PPP2R1B: variants seen among roughly 807,000 people sequenced by gnomAD.
PPP2R1B encodes protein phosphatase 2 scaffold subunit Abeta.
In PPP2R1B, 58 loss-of-function variants were observed where a neutral mutation model predicts 72.7. The ratio of observed to expected loss-of-function variants is 0.80; its 90% CI spans 0.65 to 0.99. The LOEUF is 0.99. PPP2R1B is among the 50% of genes least tolerant of loss of function. PPP2R1B has a pLI of 0.00. For synonymous variants in PPP2R1B, 256 were observed against 264.6 expected, an observed-to-expected ratio of 0.97 and a Z score of 0.32; for missense variants, 695 against 733.6, an observed-to-expected ratio of 0.95 and a Z score of 0.61.
At chr11:111,703,187 A>T in the PPP2R1B span, 4 of 1,611,926 alleles carry the variant, frequency 2.5e-6, no homozygotes, top group East Asian at 8.9e-5. Flanking sequence ...CTTTTGTAAC[A>T]TTGTGTTTTC....
chr11:111,737,428 C>T, downstream of PPP2R1B: 10 of 1,614,194 alleles, frequency 6.2e-6, no homozygotes, highest in Non-Finnish European at 8.5e-6. Context: ...GGACTTGACC[C>T]CAGGCTTCCG....
chr11:111,722,694 C>CACCT (rs748603745), downstream of PPP2R1B: 1 of 1,614,070 alleles, frequency 6.2e-7, no homozygotes, highest in East Asian at 2.2e-5. The surrounding 1 kb of genome is among the most constrained non-coding windows in gnomAD (Gnocchi z 4.4). Context: ...AGGCCCAGAA[C>CACCT]ACCTGTCAGC....
rs1200828600 is a variant in PPP2R1B, at chr11:111,740,499, T to C, written c.*1097A>G. On this transcript the variant is annotated 3_prime_UTR_variant, in exon 15 of 15. Coordinates refer to ENST00000527614, the MANE Select transcript of PPP2R1B (RefSeq NM_002716.5). ...TTTTTAAAAAGGGCTTTAATACTGT[T>C]TAAGTAGTTCAAATAGGCTTCCTCA... is the stretch of plus-strand genomic sequence containing the variant. 1.0e-6 allele frequency: 1 copy of C among 985,298 alleles called. No individual in the cohort carries two copies. Among genetic ancestry groups the C allele is most frequent in the Non-Finnish European group, 1.2e-6 (1 of 829,798 alleles). The allele number at this position is 985,298 out of a possible 1,614,324, so 61.0% of individuals were successfully genotyped here. A position where few individuals can be genotyped will look rare whatever the true frequency, so the allele number is the denominator to read the frequency against.
At position 111,742,080 on chromosome 11, in the gene PPP2R1B, T is replaced by G; in HGVS notation, c.1762A>C (p.Lys588Gln). 1 of 1,613,872 alleles carries G rather than the reference T, an allele frequency of 6.2e-7. No individual in the cohort carries two copies. The highest frequency in any genetic ancestry group is 8.5e-7 in the Non-Finnish European group (1 of 1,179,770). Residue 588 changes from lysine (K) to glutamine (Q), a missense_variant, in exon 14 of 15, where the codon AAA becomes CAA. Physicochemically the swap from Lys to Gln is moderately conservative, Grantham distance 53. Transcript: ENST00000527614. ...CTTATAGCTTCCTGTGCAAAGTATTTGACATCCATGTCTTCATCTTGACCT... is the reference window on the plus strand; with the variant it reads ...CTTATAGCTTCCTGTGCAAAGTATTGGACATCCATGTCTTCATCTTGACCT... ...KLGQDEDMDV[K>Q]YFAQEAISVL...
intron 9 of PPP2R1B, 110 bp downstream of exon 9, chr11:111,753,332 GA>G (rs1386567875): frequency 2.9e-6 from 4 of 1,386,812 alleles, no homozygotes; most frequent in Non-Finnish European, 3.9e-6. Context: ...AATAAGTTAT[GA>G]TTTTTTTATC....
the PPP2R1B span, among the ~76,000 whole-genome samples, chr11:111,688,626 G>A: frequency 6.6e-5 from 10 of 152,198 alleles, no homozygotes; most frequent in South Asian, 2.1e-4. The surrounding 1 kb of genome is among the most constrained non-coding windows in gnomAD (Gnocchi z 4.2). Flanking sequence ...GATCTGATAC[G>A]ATAGGGTTTT....
chr11:111,710,981 C>T, the PPP2R1B span, among the ~76,000 whole-genome samples: 96 of 152,292 alleles, frequency 6.3e-4, no homozygotes, highest in Admixed American at 1.0e-3. Flanking sequence ...AGATGTGGTG[C>T]AGTGCCTGTT....
chr11:111,706,457 T>C, the PPP2R1B span, among the ~76,000 whole-genome samples: 2 of 152,158 alleles, frequency 1.3e-5, no homozygotes, highest in Non-Finnish European at 2.9e-5. Flanking sequence ...CCATTGACTT[T>C]CCTGTCTACT....
the PPP2R1B span, chr11:111,712,281 C>T: frequency 6.2e-7 from 1 of 1,614,118 alleles, no homozygotes; most frequent in Non-Finnish European, 8.5e-7. Flanking sequence ...GCCCTCCTCC[C>T]CCAGGCATCC....
chr11:111,701,476 C>T, the PPP2R1B span: 1 of 1,613,756 alleles, frequency 6.2e-7, no homozygotes, highest in African/African-American at 1.3e-5. This position sits in a 1 kb window ranked among gnomAD's most constrained non-coding sequence, Gnocchi z 4.2. Context: ...TCTTTATGTC[C>T]TTGTCTGTGG....
At chr11:111,735,900 G>C (rs1007244270), downstream of PPP2R1B, among the ~76,000 whole-genome samples, 2 of 152,214 alleles carry the variant, frequency 1.3e-5, no homozygotes, top group Admixed American at 1.3e-4. Context: ...CTGACACACA[G>C]GGCTCTGCCT....
At chr11:111,727,138 T>A in intron 15 of PPP2R1B, 3 of 1,248,528 alleles carry the variant, frequency 2.4e-6, no homozygotes, top group Non-Finnish European at 3.5e-6. Context: ...CGTCCCCAGC[T>A]GCCCCCTCGC....
the PPP2R1B span, among the ~76,000 whole-genome samples, chr11:111,708,131 C>T: frequency 3.3e-5 from 5 of 152,280 alleles, no homozygotes; most frequent in South Asian, 6.2e-4. Context: ...CCTGTAATCC[C>T]GGCGCTTTGG....
rs1265019004 is a variant in PPP2R1B, at chr11:111,739,958, G to A, written c.*1638C>T. ...CTCTGATTTACAATTTCTATTTTTC[G>A]AATGTAGGACAAATTTTAAAGTATT... is the stretch of plus-strand genomic sequence containing the variant. On this transcript the variant is annotated 3_prime_UTR_variant, in exon 15 of 15. Coordinates refer to ENST00000527614, the MANE Select transcript of PPP2R1B (RefSeq NM_002716.5). 5 of 979,118 alleles carry A rather than the reference G, an allele frequency of 5.1e-6. No homozygotes were observed. Among genetic ancestry groups the A allele is most frequent in the African/African-American group, 1.8e-5 (1 of 57,084 alleles). The allele number at this position is 979,118 out of a possible 1,614,324, so 60.7% of individuals were successfully genotyped here.
chr11:111,754,285 A>G (rs1417070964), intron 8 of PPP2R1B, among the ~76,000 whole-genome samples: 2 of 152,246 alleles, frequency 1.3e-5, no homozygotes, highest in African/African-American at 2.4e-5. Context: ...ACTACTTGTT[A>G]GGTAACATAA....
In PPP2R1B at chr11:111,743,356, AAC is replaced by A. The variant is rs1944591712; in HGVS notation, c.1554+18_1554+19del. ...TGCTTTAATGATTAAGCTTAGCAAT[AAC>A]AGTTATGTTATACTTACATTAATGC... On this transcript the variant is annotated intron_variant, in intron 12 of 14. Coordinates refer to ENST00000527614, the MANE Select transcript of PPP2R1B (RefSeq NM_002716.5). The A allele has an allele frequency of 6.3e-7, 1 of 1,586,244 alleles. No individual in the cohort carries two copies. Among genetic ancestry groups the A allele is most frequent in the Non-Finnish European group, 8.6e-7 (1 of 1,160,562 alleles).
At chr11:111,728,319 C>G (rs536135092) in intron 15 of PPP2R1B, 3 of 151,286 alleles carry the variant, frequency 2.0e-5, no homozygotes, top group Admixed American at 2.0e-4. Context: ...GACAGAGTCT[C>G]GCTCTGTCAC....
the PPP2R1B span, among the ~76,000 whole-genome samples, chr11:111,712,734 TTAAC>T: frequency 6.6e-6 from 1 of 152,242 alleles, no homozygotes; most frequent in Non-Finnish European, 1.5e-5. Flanking sequence ...AACAAAAAAA[TTAAC>T]TTTCATGCCA....
chr11:111,752,871 G>A (rs1481592923), intron 9 of PPP2R1B, among the ~76,000 whole-genome samples: 1 of 152,210 alleles, frequency 6.6e-6, no homozygotes, highest in Non-Finnish European at 1.5e-5. Context: ...GCTGAGGCAA[G>A]AGAATGGCAT....
Sources: gnomAD v4.1 joint callset for allele counts (sites outside exome capture counted in the v4.1 genomes callset) on GRCh38, gnomAD v4.1.1 for gene constraint, Gnocchi (gnomAD v3.1) non-coding constraint, MANE v1.5 for transcripts, NCBI Gene and HGNC (gene_info 2026-07-23, HGNC 2026-07-21) for gene names.